The following CACNA1S variants were observed in gnomAD, a reference collection of about 807,000 sequenced individuals.
CACNA1S encodes calcium voltage-gated channel subunit alpha1 S, also known as voltage-dependent L-type calcium channel subunit alpha-1S.
Under a neutral mutation model 207.4 loss-of-function variants are expected in CACNA1S, and 126 were observed. The ratio of observed to expected loss-of-function variants is 0.61; its 90% CI spans 0.53 to 0.70. CACNA1S has a LOEUF of 0.70. CACNA1S is among the 30% of genes least tolerant of loss of function. CACNA1S has a pLI of 0.00. For synonymous variants in CACNA1S, 960 were observed against 932.7 expected (o/e 1.03, Z -0.53); for missense variants, 2,349 against 2,422.8 (o/e 0.97, Z 0.64).
At chr1:201,069,846 G>T (rs923181307) in intron 17 of CACNA1S, among the ~76,000 whole-genome samples, 1 of 152,100 alleles carries the variant, frequency 6.6e-6, no homozygotes, top group Non-Finnish European at 1.5e-5. Flanking sequence ...GCCCCTTCCT[G>T]CAATTATGGC....
At position 201,051,083 on chromosome 1, in the gene CACNA1S, A is replaced by T. The variant is rs1307023535; in HGVS notation, c.4014T>A (p.Cys1338Ter). The change falls in exon 33 of 44, where the codon TGT (cysteine) becomes TGA (stop). Residue 1338 changes from cysteine (C) to a stop codon, truncating the protein, a stop_gained. Coordinates refer to ENST00000362061, the MANE Select transcript of CACNA1S (RefSeq NM_000069.3). LOFTEE classifies it high-confidence loss of function. ...CTGGGGCATAGTCCGACTCTGGGTC[A>T]CACAGCTTCCCATAGCTGCAGGCCA... ...ILLACSYGKL[C>*]DPESDYAPGE... is the part of the protein sequence containing the mutation. 1 of 1,614,248 alleles carries T rather than the reference A, an allele frequency of 6.2e-7. No homozygotes were observed. The highest frequency in any genetic ancestry group is 8.5e-7 in the Non-Finnish European group (1 of 1,180,016).
rs368421264 is a variant in CACNA1S, at chr1:201,044,435, C to T, written c.4690G>A (p.Glu1564Lys). 37 of 1,613,114 alleles carry T rather than the reference C, an allele frequency of 2.3e-5. No homozygotes were observed. The highest frequency in any genetic ancestry group is 2.8e-5 in the Non-Finnish European group (33 of 1,179,900). Residue 1564 changes from glutamate to lysine, a missense_variant, in exon 39 of 44, where the codon GAA becomes AAA. Transcript: ENST00000362061. ...CGACAGATCTCGGGGGCTGCCTCTT[C>T]CTCAATGGTCCGCAGCCCTGCCTGG... ...QIQAGLRTIE[E>K]EAAPEICRTV... is the part of the protein sequence containing the mutation.
rs200273802 is a variant in CACNA1S at position 201,085,044 on chromosome 1, G to C, written c.1151-13C>G. ...AAAGACAGTTTTCCTGGAGACAGGA[G>C]AGAAAGAGTCAGCCAGCCTTCGGGG... On this transcript the variant is annotated splice_polypyrimidine_tract_variant and intron_variant, in intron 8 of 43. Coordinates refer to ENST00000362061, the MANE Select transcript of CACNA1S (RefSeq NM_000069.3). 2.7e-5 allele frequency: 44 copies of C among 1,601,576 alleles called. No homozygotes were observed. Among genetic ancestry groups the C allele is most frequent in the Non-Finnish European group, 4.3e-6 (5 of 1,174,214 alleles).
At position 201,101,237 on chromosome 1, in the gene CACNA1S, C is replaced by T. The variant is rs374863726; in HGVS notation, c.259-7216G>A. On this transcript the variant is annotated intron_variant, in intron 2 of 43. Coordinates refer to ENST00000362061, the MANE Select transcript of CACNA1S (RefSeq NM_000069.3). ...AACATGGCTGAAGGTGGAGAGGCTG[C>T]GGGCTGGGGAAAATCCAGGGACCTT... Among the ~76,000 whole-genome samples, 37 of 152,272 alleles carry T rather than the reference C, an allele frequency of 2.4e-4. 1 individual carries two copies. Among genetic ancestry groups the T allele is most frequent in the African/African-American group, 6.7e-4 (28 of 41,548 alleles).
At chr1:201,048,556 G>A in intron 36 of CACNA1S, 26 bp downstream of exon 36, 1 of 1,527,296 alleles carries the variant, frequency 6.5e-7, no homozygotes. Context: ...AGAAAGGAGG[G>A]GGCTCACATT....
In CACNA1S at chr1:201,094,805, G is replaced by A. The variant is rs150994262; in HGVS notation, c.259-784C>T. Among the ~76,000 whole-genome samples, 1,329 of 152,178 alleles carry A rather than the reference G, an allele frequency of 8.7e-3. 18 individuals are homozygous for A. The highest frequency in any genetic ancestry group is 0.01 in the Non-Finnish European group (699 of 67,992). On this transcript the variant is annotated intron_variant, in intron 2 of 43. Transcript: ENST00000362061. Reference sequence around the variant, plus strand: ...GGTAAGAAGCTGAGGTTTCAGCTCAGCCCCACCCTGCAGAAGGCCCGGCCG... The same window carrying A: ...GGTAAGAAGCTGAGGTTTCAGCTCAACCCCACCCTGCAGAAGGCCCGGCCG...
Position 201,053,618 on chromosome 1 carries a change from G to T in CACNA1S, c.3667-31C>A. ...GGGCAGCAGCCCCAGAGGTCAGTCT[G>T]GGGGCAGAACCTCAGAGGGGTAAGG... On this transcript the variant is annotated intron_variant, in intron 29 of 43. Transcript: ENST00000362061. This position sits in a 1 kb window ranked among gnomAD's most constrained non-coding sequence, Gnocchi z 5.1. 1 of 1,612,284 alleles carries T rather than the reference G, an allele frequency of 6.2e-7. No individual in the cohort carries two copies. The highest frequency in any genetic ancestry group is 8.5e-7 in the Non-Finnish European group (1 of 1,179,136).
intron 10 of CACNA1S, among the ~76,000 whole-genome samples, chr1:201,078,514 C>CT (rs1454699686): frequency 2.1e-5 from 1 of 48,402 alleles, no homozygotes; most frequent in East Asian, 7.9e-4. Context: ...TTTAAATTAG[C>CT]TTCAAAAAAA....
In CACNA1S at chr1:201,110,435, C is replaced by T. The variant is rs112775115; in HGVS notation, c.153-166G>A. Among the ~76,000 whole-genome samples, 2,430 of 152,298 alleles carry T rather than the reference C, an allele frequency of 0.016. 74 individuals carry two copies. Among genetic ancestry groups the T allele is most frequent in the African/African-American group, 0.055 (2,303 of 41,566 alleles). ...TCCTTCCCTGAGCCCCTGCAGGGTACAGTGAGGACCAGGTTCCTGCCTTGA... is the reference window on the plus strand; with the variant it reads ...TCCTTCCCTGAGCCCCTGCAGGGTATAGTGAGGACCAGGTTCCTGCCTTGA... On this transcript the variant is annotated intron_variant, in intron 1 of 43. Transcript: ENST00000362061.
Position 201,089,239 on chromosome 1 carries a change from G to A in CACNA1S, c.900+19C>T. On this transcript the variant is annotated intron_variant, in intron 6 of 43. Transcript: ENST00000362061. ...GTGGATGAAGGGAGATGGTTCTGCA[G>A]GCGCGGGCCCAGACCCACCCAGTAA... 1.9e-6 allele frequency: 3 copies of A among 1,611,420 alleles called. No homozygotes were observed. The highest frequency in any genetic ancestry group is 1.7e-4 in the Middle Eastern group (1 of 6,056).
chr1:201,093,703 A>G (rs553203562), intron 3 of CACNA1S, among the ~76,000 whole-genome samples, 179 bp downstream of exon 3: 2 of 152,172 alleles, frequency 1.3e-5, no homozygotes, highest in South Asian at 4.2e-4. Context: ...GCAATGATCC[A>G]CTCTCCACCA....
At chr1:201,071,467 C>T (rs549051254) in intron 16 of CACNA1S, among the ~76,000 whole-genome samples, 8 of 152,310 alleles carry the variant, frequency 5.3e-5, no homozygotes, top group South Asian at 2.1e-4. Context: ...ATCTTTCCCC[C>T]GCCTTCTTAC....
At chr1:201,100,063 C>A (rs1536129) in intron 2 of CACNA1S, among the ~76,000 whole-genome samples, 58,608 of 152,008 alleles carry the variant, frequency 0.39, 11,518 homozygotes, top group South Asian at 0.43. Flanking sequence ...GGCCTGGGCA[C>A]ATTCCCCAGG....
rs1057524027 is a variant in CACNA1S at position 201,073,564 on chromosome 1, G to T, written c.2142C>A (p.Ile714=). The part of the protein sequence containing the change: ...KLEQKPKGEG[I]PTTAKLKIDE... ...AGGTGCTCACCTTGGCAGTGGTGGG[G>T]ATGCCCTCACCCTTGGGTTTCTGCT... The change falls in exon 15 of 44, where the codon ATC becomes ATA. Residue 714 remains isoleucine (I), a synonymous_variant. Transcript: ENST00000362061. The T allele has an allele frequency of 3.1e-6, 5 of 1,613,838 alleles. No individual in the cohort carries two copies. The highest frequency in any genetic ancestry group is 3.3e-5 in the Admixed American group (2 of 60,010).
intron 10 of CACNA1S, among the ~76,000 whole-genome samples, chr1:201,082,314 A>G (rs1001687563): frequency 6.1e-5 from 9 of 148,344 alleles, no homozygotes; most frequent in Non-Finnish European, 8.9e-5. Context: ...GGCGTGAGCC[A>G]CCGCGCCCGG....
rs1288362434 is a variant in CACNA1S, at chr1:201,072,801, A to G, written c.2181T>C (p.Ser727=). 1 of 1,613,886 alleles carries G rather than the reference A, an allele frequency of 6.2e-7. No individual in the cohort carries two copies. Among genetic ancestry groups the G allele is most frequent in the East Asian group, 2.2e-5 (1 of 44,868 alleles). Reference sequence around the variant, plus strand: ...AGGGATCCTTCACCTCATTGACATTAGATTCAAACTCATCGATTTTCAGCT... The same window carrying G: ...AGGGATCCTTCACCTCATTGACATTGGATTCAAACTCATCGATTTTCAGCT... ...TAKLKIDEFE[S]NVNEVKDPYP... is the part of the protein sequence containing the mutation. The change falls in exon 16 of 44, where the codon TCT becomes TCC. Residue 727 remains serine, a synonymous_variant. Transcript: ENST00000362061.
At chr1:201,051,631 G>A (rs1472485953) in intron 32 of CACNA1S, among the ~76,000 whole-genome samples, 2 of 152,208 alleles carry the variant, frequency 1.3e-5, no homozygotes, top group African/African-American at 2.4e-5. Flanking sequence ...AGGTGCATAT[G>A]CATGACATGT....
In CACNA1S at chr1:201,073,562, G is replaced by A. The variant is rs1661495573; in HGVS notation, c.2144C>T (p.Pro715Leu). Residue 715 changes from proline to leucine, a missense_variant, in exon 15 of 44, where the codon CCC (proline) becomes CTC (leucine). Physicochemically the swap from Pro to Leu is moderately conservative, Grantham distance 98. Transcript: ENST00000362061. Reference protein sequence around the residue: ...LEQKPKGEGIPTTAKLKIDEF... With the variant: ...LEQKPKGEGILTTAKLKIDEF... Reference sequence around the variant, plus strand: ...TGAGGTGCTCACCTTGGCAGTGGTGGGGATGCCCTCACCCTTGGGTTTCTG... The same window carrying A: ...TGAGGTGCTCACCTTGGCAGTGGTGAGGATGCCCTCACCCTTGGGTTTCTG... 1 of 1,613,392 alleles carries A rather than the reference G, an allele frequency of 6.2e-7. No homozygotes were observed. Among genetic ancestry groups the A allele is most frequent in the Non-Finnish European group, 8.5e-7 (1 of 1,179,298 alleles).
Position 201,109,243 on chromosome 1 carries a change from C to CAAAAAAA in CACNA1S, c.258+914_258+920dup, listed in dbSNP as rs56739161. ...TGGGCAACAGAGTGAGACTCTGTCTCAAAAAAAAAAAAAAAAAGAGGTTCT... is the reference window on the plus strand; with the variant it reads ...TGGGCAACAGAGTGAGACTCTGTCTCAAAAAAAAAAAAAAAAAAAAAAAAGAGGTTCT... On this transcript the variant is annotated intron_variant, in intron 2 of 43. Coordinates refer to ENST00000362061, the MANE Select transcript of CACNA1S (RefSeq NM_000069.3). Among the ~76,000 whole-genome samples, 188 of 118,538 alleles carry CAAAAAAA rather than the reference C, an allele frequency of 1.6e-3. 1 individual carries two copies. The highest frequency in any genetic ancestry group is 5.5e-3 in the African/African-American group (180 of 32,450). 77.8% of individuals were successfully genotyped at this position (118,538 alleles called of 152,430 possible). A position where few individuals can be genotyped will look rare whatever the true frequency, so the allele number is the denominator to read the frequency against.
Sources: gnomAD v4.1 joint callset for allele counts (sites outside exome capture counted in the v4.1 genomes callset) on GRCh38, gnomAD v4.1.1 for gene constraint, Gnocchi (gnomAD v3.1) non-coding constraint, MANE v1.5 for transcripts, NCBI Gene and HGNC (gene_info 2026-07-23, HGNC 2026-07-21) for gene names.